The following SEC61B variants were observed in gnomAD, a reference collection of about 807,000 sequenced individuals.
SEC61B encodes SEC61 translocon subunit beta, also known as protein transport protein Sec61 subunit beta.
SEC61B carries 7 observed loss-of-function variants against 12.6 expected under a neutral mutation model. The ratio of observed to expected loss-of-function variants is 0.55; its 90% CI spans 0.32 to 1.04. SEC61B has a LOEUF of 1.04. Among genes scored for constraint, SEC61B ranks in the 50% least tolerant of loss-of-function variants. SEC61B has a pLI of 0.05. For synonymous variants in SEC61B, 54 were observed against 50.1 expected, an observed-to-expected ratio of 1.08 and a Z score of -0.33; for missense variants, 107 against 130.1, an observed-to-expected ratio of 0.82 and a Z score of 0.86.
At chr9:99,225,980 A>G (rs915534449) in intron 2 of SEC61B, among the ~76,000 whole-genome samples, 10 of 152,190 alleles carry the variant, frequency 6.6e-5, no homozygotes, top group Non-Finnish European at 1.2e-4. Context: ...TCAGCTGCAT[A>G]CCCCACAGAT....
At chr9:99,227,376 T>G (rs1279835174) in intron 2 of SEC61B, among the ~76,000 whole-genome samples, 1 of 151,854 alleles carries the variant, frequency 6.6e-6, no homozygotes, top group Non-Finnish European at 1.5e-5. Context: ...AAGCTTAAAG[T>G]TTTTGTCTGT....
chr9:99,223,046 T>C (rs989217889), intron 2 of SEC61B: 1 of 164,372 alleles, frequency 6.1e-6, no homozygotes, highest in Non-Finnish European at 1.3e-5. Context: ...CAATTATATC[T>C]CCTTACTTCC....
In SEC61B at chr9:99,222,284, T is replaced by G; in HGVS notation, c.-80T>G. 1.2e-6 allele frequency: 2 copies of G among 1,606,276 alleles called. No individual in the cohort carries two copies. On this transcript the variant is annotated 5_prime_UTR_variant, in exon 1 of 4. Transcript: ENST00000223641. ...AGTCCGGGGGCGGGGCCTGAGTCAG[T>G]CTCGCCAGCTGCCGGTCTTTCGGGG...
chr9:99,228,537 A>T (rs551461243), intron 3 of SEC61B, among the ~76,000 whole-genome samples: 2 of 152,222 alleles, frequency 1.3e-5, no homozygotes, highest in African/African-American at 4.8e-5. Context: ...TAGGCATTGG[A>T]GTGCTCATTA....
intron 2 of SEC61B, among the ~76,000 whole-genome samples, chr9:99,225,163 G>A (rs1588622513): frequency 6.6e-6 from 1 of 152,194 alleles, no homozygotes; most frequent in African/African-American, 2.4e-5. Flanking sequence ...TTTCATCTCC[G>A]AAGATGGGTC....
Sources: allele counts gnomAD v4.1 joint callset (sites outside exome capture counted in the v4.1 genomes callset), GRCh38; gene constraint gnomAD v4.1.1; transcripts MANE v1.5; gene names NCBI Gene and HGNC (gene_info 2026-07-23, HGNC 2026-07-21).